Variants in PTPRD observed in about 807,000 individuals in gnomAD.
The protein encoded by PTPRD is protein tyrosine phosphatase receptor type D.
In PTPRD, 34 loss-of-function variants were observed where a neutral mutation model predicts 214.5. The observed-to-expected ratio is 0.16, with a 90% confidence interval of 0.12 to 0.21. The LOEUF is 0.21. Among genes scored for constraint, PTPRD ranks in the 10% least tolerant of loss-of-function variants. The pLI is 1.00. For missense variants in PTPRD, 2,545 were observed against 2,398.7 expected (o/e 1.06, Z -1.27); for synonymous variants, 1,128 against 845.7 (o/e 1.33, Z -5.79).
At chr9:10,570,136 C>T (rs2066964997) in intron 2 of PTPRD, among the ~76,000 whole-genome samples, 1 of 152,134 alleles carries the variant, frequency 6.6e-6, no homozygotes, top group African/African-American at 2.4e-5. Context: ...TCATGGGTCT[C>T]TCTCACCCAT....
intron 11 of PTPRD, among the ~76,000 whole-genome samples, chr9:8,785,250 C>A (rs1211920453): frequency 1.3e-5 from 2 of 152,082 alleles, no homozygotes; most frequent in African/African-American, 4.8e-5. Context: ...GGGAAAAAAA[C>A]ACTAATCAAT....
chr9:8,805,108 T>G (rs1018113748), intron 11 of PTPRD, among the ~76,000 whole-genome samples: 1 of 152,120 alleles, frequency 6.6e-6, no homozygotes, highest in East Asian at 1.9e-4. Context: ...AACCTATACC[T>G]CACAGATAGT....
intron 9 of PTPRD, among the ~76,000 whole-genome samples, chr9:9,241,673 C>CT (rs1569565449): frequency 6.6e-6 from 1 of 151,846 alleles, no homozygotes; most frequent in South Asian, 2.1e-4. Context: ...CAACCCCTGC[C>CT]TTTTTTTGTT....
chr9:10,484,187 C>A (rs1288938968), intron 2 of PTPRD, among the ~76,000 whole-genome samples: 1 of 151,988 alleles, frequency 6.6e-6, no homozygotes, highest in Non-Finnish European at 1.5e-5. Context: ...AGAGAAGTAA[C>A]TCAGAAATGA....
chr9:9,509,813 AC>A (rs554045011), intron 8 of PTPRD, among the ~76,000 whole-genome samples: 83 of 150,778 alleles, frequency 5.5e-4, no homozygotes, highest in Middle Eastern at 3.4e-3. Context: ...TAAAAAAAAA[AC>A]ATTAAAAAAT....
chr9:8,706,690 C>G (rs1239518669), intron 12 of PTPRD, among the ~76,000 whole-genome samples: 1 of 152,194 alleles, frequency 6.6e-6, no homozygotes, highest in African/African-American at 2.4e-5. Flanking sequence ...TGGAAATTCA[C>G]AGTCTCAGAG....
chr9:9,178,017 A>T (rs2099925977), intron 10 of PTPRD, among the ~76,000 whole-genome samples: 1 of 152,144 alleles, frequency 6.6e-6, no homozygotes, highest in African/African-American at 2.4e-5. Context: ...CCCATCTCAT[A>T]ATAGGAATGG....
intron 12 of PTPRD, among the ~76,000 whole-genome samples, chr9:8,685,156 T>A (rs951909557): frequency 4.6e-5 from 7 of 152,064 alleles, no homozygotes; most frequent in African/African-American, 1.7e-4. Flanking sequence ...GGAGAAAGCT[T>A]TTCTTTGGCA....
chr9:9,737,589 A>T (rs1459541962), intron 6 of PTPRD, among the ~76,000 whole-genome samples: 1 of 152,138 alleles, frequency 6.6e-6, no homozygotes, highest in East Asian at 1.9e-4. Flanking sequence ...TATAAATGGA[A>T]TCACACAACA....
chr9:8,691,586 T>C (rs1299694426), intron 12 of PTPRD, among the ~76,000 whole-genome samples: 4 of 152,296 alleles, frequency 2.6e-5, no homozygotes, highest in South Asian at 2.1e-4. Context: ...AAGAATTCTA[T>C]TGGATTTGAA....
At chr9:8,421,906 G>C (rs2094389925) in intron 35 of PTPRD, among the ~76,000 whole-genome samples, 2 of 151,308 alleles carry the variant, frequency 1.3e-5, no homozygotes, top group African/African-American at 4.9e-5. Context: ...CCAGCACTTT[G>C]GGAGACCAAG....
intron 7 of PTPRD, among the ~76,000 whole-genome samples, chr9:9,579,401 T>C (rs190486007): frequency 6.6e-6 from 1 of 152,238 alleles, no homozygotes; most frequent in African/African-American, 2.4e-5. Context: ...AGAGAGCTAG[T>C]AAGTAATATA....
chr9:8,678,311 T>C (rs2097478071), intron 12 of PTPRD, among the ~76,000 whole-genome samples: 2 of 152,208 alleles, frequency 1.3e-5, no homozygotes, highest in African/African-American at 4.8e-5. Context: ...GTCAACTATT[T>C]GACCTTTTCA....
chr9:10,322,832 C>G (rs1437542410), intron 3 of PTPRD, among the ~76,000 whole-genome samples: 1 of 151,854 alleles, frequency 6.6e-6, no homozygotes, highest in Non-Finnish European at 1.5e-5. Flanking sequence ...ATCCAAGTGC[C>G]AACATGTCAT....
At chr9:10,115,640 C>A (rs1182667556) in intron 3 of PTPRD, among the ~76,000 whole-genome samples, 2 of 114,202 alleles carry the variant, frequency 1.8e-5, no homozygotes, top group Non-Finnish European at 4.3e-5. Flanking sequence ...TAAAACTTTA[C>A]AAGTTTTTTT....
chr9:9,765,558 C>A (rs1297142499), intron 6 of PTPRD, among the ~76,000 whole-genome samples: 1 of 152,114 alleles, frequency 6.6e-6, no homozygotes, highest in African/African-American at 2.4e-5. Flanking sequence ...TTAGAGAAAC[C>A]CTTGTCAGAC....
chr9:10,444,458 G>A (rs1056587317), intron 2 of PTPRD, among the ~76,000 whole-genome samples: 3 of 151,586 alleles, frequency 2.0e-5, no homozygotes, highest in African/African-American at 7.3e-5. Flanking sequence ...CATATTAATG[G>A]GTAATTAATG....
chr9:8,866,940 T>G (rs1056485872), intron 11 of PTPRD, among the ~76,000 whole-genome samples: 7 of 152,182 alleles, frequency 4.6e-5, no homozygotes, highest in African/African-American at 1.7e-4. Context: ...GTTCGATCCA[T>G]TAATTGGAGT....
At chr9:10,561,663 T>C (rs2064002985) in intron 2 of PTPRD, among the ~76,000 whole-genome samples, 1 of 152,134 alleles carries the variant, frequency 6.6e-6, no homozygotes, top group Non-Finnish European at 1.5e-5. Flanking sequence ...AAGGAAAATG[T>C]CTTCATTTTC....
Sources: gnomAD v4.1 joint callset for allele counts (sites outside exome capture counted in the v4.1 genomes callset) on GRCh38, gnomAD v4.1.1 for gene constraint, MANE v1.5 for transcripts, NCBI Gene and HGNC (gene_info 2026-07-23, HGNC 2026-07-21) for gene names.